Variants in RYR2 observed in about 807,000 individuals in gnomAD.
RYR2 encodes cardiac muscle ryanodine receptor-calcium release channel.
Under a neutral mutation model 601.1 loss-of-function variants are expected in RYR2, and 227 were observed. The ratio of observed to expected loss-of-function variants is 0.38; its 90% CI spans 0.34 to 0.42. The LOEUF (loss-of-function observed/expected upper bound fraction) is 0.42. RYR2 is among the 10% of genes least tolerant of loss of function. The pLI is 1.00. For missense variants in RYR2, 4,646 were observed against 6,156.5 expected, an observed-to-expected ratio of 0.75 and a Z score of 8.21; for synonymous variants, 2,223 against 2,175.1, an observed-to-expected ratio of 1.02 and a Z score of -0.61.
In RYR2 at chr1:237,501,335, T is replaced by C. The variant is rs574053933; in HGVS notation, c.2396+432T>C. Among the ~76,000 whole-genome samples, 10 of 152,320 alleles carry C rather than the reference T, an allele frequency of 6.6e-5. 1 individual carries two copies. The South Asian group carries it at 1.2e-3, about 19-fold the overall frequency. On this transcript the variant is annotated intron_variant, in intron 21 of 104. Transcript: ENST00000366574. ...TTTCAATAGAAATTAAATATCCTTT[T>C]TGTTGATGAGGCCCAGATGGCTTTC...
chr1:237,444,806 A>G (rs749164891), intron 13 of RYR2, among the ~76,000 whole-genome samples: 68 of 152,218 alleles, frequency 4.5e-4, no homozygotes, highest in Non-Finnish European at 8.4e-4. Flanking sequence ...AAAACAAAAA[A>G]CTATCAAAAG....
chr1:237,386,810 A>T (rs1171306905), intron 8 of RYR2, among the ~76,000 whole-genome samples: 2 of 152,158 alleles, frequency 1.3e-5, no homozygotes, highest in Non-Finnish European at 2.9e-5. Context: ...TGCAGATAAC[A>T]GTTCCTGAAG....
intron 10 of RYR2, among the ~76,000 whole-genome samples, chr1:237,391,513 A>G (rs1189425490): frequency 2.0e-5 from 3 of 152,164 alleles, no homozygotes; most frequent in Non-Finnish European, 4.4e-5. Context: ...AGTGGAAACT[A>G]TTAAGGAGAT....
intron 63 of RYR2, among the ~76,000 whole-genome samples, chr1:237,690,132 T>C (rs1174838658): frequency 6.6e-6 from 1 of 152,186 alleles, no homozygotes; most frequent in Non-Finnish European, 1.5e-5. Flanking sequence ...CCACCGTGCC[T>C]GGCCAAATCT....
chr1:237,546,988 TATATA>T (rs1559005080), intron 25 of RYR2, among the ~76,000 whole-genome samples: 42 of 128,584 alleles, frequency 3.3e-4, no homozygotes, highest in African/African-American at 1.0e-3. Flanking sequence ...TATATATATA[TATATA>T]TATTTATTTA....
At chr1:237,820,207 A>AAAG (rs1662309518) in intron 101 of RYR2, among the ~76,000 whole-genome samples, 1 of 142,740 alleles carries the variant, frequency 7.0e-6, no homozygotes, top group African/African-American at 2.6e-5. Flanking sequence ...AAAAAAAAAA[A>AAAG]GGTGGGGGAG....
chr1:237,267,172 G>A (rs908755618), intron 1 of RYR2, among the ~76,000 whole-genome samples: 2 of 152,188 alleles, frequency 1.3e-5, no homozygotes, highest in Non-Finnish European at 2.9e-5. Context: ...ATATTTGACT[G>A]TTAAAGATTG....
At chr1:237,832,226 T>A (rs12026501) in intron 104 of RYR2, among the ~76,000 whole-genome samples, 77,113 of 149,776 alleles carry the variant, frequency 0.51, 20,226 homozygotes, top group Middle Eastern at 0.63. Context: ...TTTTTTTTTT[T>A]AATTTTAGTA....
intron 83 of RYR2, among the ~76,000 whole-genome samples, chr1:237,760,119 A>C (rs966387774): frequency 6.6e-6 from 1 of 151,484 alleles, no homozygotes; most frequent in African/African-American, 2.4e-5. Flanking sequence ...AAGAGATAGG[A>C]GGATCCCTTG....
chr1:237,392,118 G>T (rs750360082), intron 10 of RYR2, among the ~76,000 whole-genome samples: 2 of 152,076 alleles, frequency 1.3e-5, no homozygotes, highest in Non-Finnish European at 1.5e-5. Context: ...CTATAGTGTC[G>T]TAACTTTTTA....
At chr1:237,257,454 G>A (rs1350939021) in intron 1 of RYR2, among the ~76,000 whole-genome samples, 2 of 152,122 alleles carry the variant, frequency 1.3e-5, no homozygotes, top group Non-Finnish European at 2.9e-5. Context: ...ATAGTACCTG[G>A]GAGTAGATGC....
intron 1 of RYR2, chr1:237,267,560 C>G (rs112086010): frequency 7.8e-6 from 2 of 256,910 alleles, no homozygotes. Flanking sequence ...AAAAGAAACT[C>G]GTATATTTCT....
chr1:237,347,706 TAGAAA>T (rs1698420941), intron 3 of RYR2, among the ~76,000 whole-genome samples: 2 of 152,040 alleles, frequency 1.3e-5, no homozygotes, highest in Non-Finnish European at 2.9e-5. Context: ...AAATACTACC[TAGAAA>T]TAGTATTAGT....
intron 10 of RYR2, among the ~76,000 whole-genome samples, chr1:237,390,234 G>A (rs1253470832): frequency 3.4e-5 from 5 of 147,030 alleles, no homozygotes; most frequent in Admixed American, 2.7e-4. Flanking sequence ...CAGACTAAGT[G>A]TTTCTTAGAG....
At chr1:237,497,422 T>A (rs1664189753) in intron 20 of RYR2, among the ~76,000 whole-genome samples, 1 of 152,224 alleles carries the variant, frequency 6.6e-6, no homozygotes, top group African/African-American at 2.4e-5. Context: ...CATGAAGAAG[T>A]AGAGTTTGGT....
chr1:237,259,581 A>T (rs1688325148), intron 1 of RYR2, among the ~76,000 whole-genome samples: 1 of 151,842 alleles, frequency 6.6e-6, no homozygotes, highest in Non-Finnish European at 1.5e-5. Flanking sequence ...AAAACCACAC[A>T]CACAGCATAA....
In RYR2 at chr1:237,310,139, G is replaced by A. The variant is rs374279829; in HGVS notation, c.169-20739G>A. On this transcript the variant is annotated intron_variant, in intron 2 of 104. Coordinates refer to ENST00000366574, the MANE Select transcript of RYR2 (RefSeq NM_001035.3). ...GGCCGAGGAGGTGCTGAGAGTGAGCGAGGGCTGCCAGCACGCTGTCACCTC... is the reference window on the plus strand; with the variant it reads ...GGCCGAGGAGGTGCTGAGAGTGAGCAAGGGCTGCCAGCACGCTGTCACCTC... Among the ~76,000 whole-genome samples the A allele has an allele frequency of 2.1e-4, 32 of 152,338 alleles. No individual in the cohort carries two copies. The East Asian group carries it at 3.7e-3, about 17-fold the overall frequency.
chr1:237,732,293 G>A (rs115924789), intron 78 of RYR2, 144 bp downstream of exon 78: 43 of 483,504 alleles, frequency 8.9e-5, no homozygotes, highest in Non-Finnish European at 1.4e-4. Flanking sequence ...AACCAGCCTG[G>A]CATGTACCTA....
At chr1:237,497,204 G>T (rs1664160980) in intron 20 of RYR2, among the ~76,000 whole-genome samples, 1 of 152,176 alleles carries the variant, frequency 6.6e-6, no homozygotes, top group African/African-American at 2.4e-5. Context: ...CCTTCTGTTA[G>T]ATAATGTAAT....
Sources: allele counts gnomAD v4.1 joint callset (sites outside exome capture counted in the v4.1 genomes callset), GRCh38; gene constraint gnomAD v4.1.1; transcripts MANE v1.5; gene names NCBI Gene and HGNC (gene_info 2026-07-23, HGNC 2026-07-21).